The following MBNL1 variants were observed in gnomAD, a reference collection of about 807,000 sequenced individuals.
MBNL1 encodes muscleblind-like protein 1.
MBNL1 carries 8 observed loss-of-function variants against 42.2 expected under a neutral mutation model. The observed-to-expected ratio is 0.19, with a 90% CI of 0.11 to 0.34. The LOEUF (loss-of-function observed/expected upper bound fraction) is 0.34. MBNL1 is among the 10% of genes least tolerant of loss of function. MBNL1 has a pLI of 1.00. For synonymous variants in MBNL1, 169 were observed against 173.9 expected, an observed-to-expected ratio of 0.97 and a Z score of 0.22; for missense variants, 309 against 495.3, an observed-to-expected ratio of 0.62 and a Z score of 3.57.
At chr3:152,450,118 A>C (rs186935292) in intron 6 of MBNL1, among the ~76,000 whole-genome samples, 24,283 of 148,092 alleles carry the variant, frequency 0.16, 2,228 homozygotes, top group East Asian at 0.26. Context: ...AAAAAAAAAA[A>C]CCACACAAAA....
At chr3:152,376,569 A>G (rs1048152613) in intron 2 of MBNL1, among the ~76,000 whole-genome samples, 6 of 152,188 alleles carry the variant, frequency 3.9e-5, no homozygotes, top group Middle Eastern at 3.2e-3. Flanking sequence ...GAAATTTTCC[A>G]TTTGTCAGAT....
intron 2 of MBNL1, among the ~76,000 whole-genome samples, chr3:152,258,401 C>T (rs2035747106): frequency 6.6e-6 from 1 of 152,156 alleles, no homozygotes; most frequent in African/African-American, 2.4e-5. Context: ...ATTCTAAAGC[C>T]TGTCTTTATG....
chr3:152,440,854 G>A (rs2099137089), intron 4 of MBNL1, among the ~76,000 whole-genome samples: 1 of 152,072 alleles, frequency 6.6e-6, no homozygotes, highest in South Asian at 2.1e-4. Flanking sequence ...TGATTATCTA[G>A]GATTACTTTT....
intron 1 of MBNL1, among the ~76,000 whole-genome samples, chr3:152,271,160 T>C (rs1442650485): frequency 6.6e-6 from 1 of 152,216 alleles, no homozygotes; most frequent in African/African-American, 2.4e-5. Context: ...TTATTGCTTG[T>C]GTTTACATTT....
intron 6 of MBNL1, among the ~76,000 whole-genome samples, chr3:152,455,189 C>T (rs908577098): frequency 4.6e-5 from 7 of 152,124 alleles, no homozygotes; most frequent in African/African-American, 1.7e-4. Context: ...AATAGCAAAA[C>T]GACCAGATGG....
intron 2 of MBNL1, among the ~76,000 whole-genome samples, chr3:152,383,311 A>T (rs1409499262): frequency 2.6e-5 from 4 of 152,068 alleles, no homozygotes; most frequent in Admixed American, 1.3e-4. Context: ...AGTTTTGAGG[A>T]TATTCAAAAG....
At chr3:152,386,989 G>A (rs2097460340) in intron 2 of MBNL1, among the ~76,000 whole-genome samples, 1 of 152,110 alleles carries the variant, frequency 6.6e-6, no homozygotes, top group African/African-American at 2.4e-5. Context: ...CTACTGCAGT[G>A]TTGTAAAAAT....
chr3:152,288,612 T>G (rs1212538045), intron 1 of MBNL1, among the ~76,000 whole-genome samples: 1 of 152,220 alleles, frequency 6.6e-6, no homozygotes, highest in Non-Finnish European at 1.5e-5. Context: ...TATGACATAG[T>G]GTTGTCAGAG....
At chr3:152,457,263 T>A (rs1199911304) in intron 8 of MBNL1, among the ~76,000 whole-genome samples, 2 of 152,210 alleles carry the variant, frequency 1.3e-5, no homozygotes, top group Non-Finnish European at 2.9e-5. Flanking sequence ...TGGGCTTCAA[T>A]AGAGTTGATA....
At chr3:152,250,099 C>A (rs533830289) in intron 2 of MBNL1, among the ~76,000 whole-genome samples, 64 of 152,146 alleles carry the variant, frequency 4.2e-4, no homozygotes, top group Non-Finnish European at 8.1e-4. Flanking sequence ...CTTGGCGATG[C>A]GGGCTCTTTT....
chr3:152,270,643 GA>G (rs2040906350), intron 1 of MBNL1, among the ~76,000 whole-genome samples: 1 of 152,210 alleles, frequency 6.6e-6, no homozygotes, highest in Non-Finnish European at 1.5e-5. Flanking sequence ...GTTATAGATA[GA>G]GGCACTGAAT....
intron 2 of MBNL1, among the ~76,000 whole-genome samples, chr3:152,363,347 GTGTTAAA>G (rs2153168430): frequency 1.3e-5 from 2 of 152,214 alleles, no homozygotes; most frequent in South Asian, 4.1e-4. Flanking sequence ...TGTTAACTCA[GTGTTAAA>G]TCAGAGTGTA....
intron 2 of MBNL1, among the ~76,000 whole-genome samples, chr3:152,249,735 G>T: frequency 7.1e-6 from 1 of 140,330 alleles, no homozygotes; most frequent in Non-Finnish European, 1.6e-5. Context: ...TTTCTTCTAG[G>T]GTTTTTATGG....
intron 3 of MBNL1, among the ~76,000 whole-genome samples, chr3:152,419,471 G>T (rs1395492210): frequency 6.6e-6 from 1 of 152,098 alleles, no homozygotes; most frequent in Admixed American, 6.5e-5. Context: ...GAAGTGCAAG[G>T]GGTCAGGGAA....
chr3:152,268,000 A>G (rs2037742218), upstream of MBNL1: 1 of 152,204 alleles, frequency 6.6e-6, no homozygotes, highest in Non-Finnish European at 1.5e-5. Context: ...TCATCACATC[A>G]CAGACGTTCA....
At chr3:152,403,780 T>G (rs1372925883) in intron 2 of MBNL1, among the ~76,000 whole-genome samples, 3 of 152,038 alleles carry the variant, frequency 2.0e-5, no homozygotes, top group Admixed American at 6.6e-5. Flanking sequence ...AATAGAAACA[T>G]GTTCTGGGCT....
chr3:152,247,158 A>G (rs2033252943), intron 2 of MBNL1, among the ~76,000 whole-genome samples: 1 of 152,132 alleles, frequency 6.6e-6, no homozygotes, highest in Non-Finnish European at 1.5e-5. Flanking sequence ...AAGAAAGATT[A>G]CAGTTTGGGT....
At chr3:152,371,075 G>A (rs1319388019) in intron 2 of MBNL1, among the ~76,000 whole-genome samples, 2 of 152,162 alleles carry the variant, frequency 1.3e-5, no homozygotes, top group Non-Finnish European at 2.9e-5. Context: ...GTTAGTTGAT[G>A]CAGATTCTTC....
intron 2 of MBNL1, among the ~76,000 whole-genome samples, chr3:152,391,981 C>A (rs2097736339): frequency 6.6e-6 from 1 of 151,956 alleles, no homozygotes; most frequent in African/African-American, 2.4e-5. Flanking sequence ...TTGGCACTTT[C>A]TTTGTTTCTA....
Sources: gnomAD v4.1 joint callset for allele counts (sites outside exome capture counted in the v4.1 genomes callset) on GRCh38, gnomAD v4.1.1 for gene constraint, MANE v1.5 for transcripts, NCBI Gene and HGNC (gene_info 2026-07-23, HGNC 2026-07-21) for gene names.